The following SCMH1 variants were observed in gnomAD, a reference collection of about 807,000 sequenced individuals.
The protein encoded by SCMH1 is Scm polycomb group protein homolog 1.
SCMH1 carries 37 observed loss-of-function variants against 70.8 expected under a neutral mutation model. The ratio of observed to expected loss-of-function variants is 0.52; its 90% confidence interval spans 0.40 to 0.69. The LOEUF (loss-of-function observed/expected upper bound fraction) is 0.69. Ranked by LOEUF, SCMH1 falls within the 30% of genes least tolerant of loss-of-function variation. The pLI is 0.00. For missense variants in SCMH1, 607 were observed against 827.3 expected (o/e 0.73, Z 3.27); for synonymous variants, 292 against 307.4 (o/e 0.95, Z 0.52).
intron 2 of SCMH1, among the ~76,000 whole-genome samples, chr1:41,177,633 G>A (rs1647349181): frequency 6.6e-6 from 1 of 152,274 alleles, no homozygotes; most frequent in Middle Eastern, 3.4e-3. Flanking sequence ...GGAAGAAAGG[G>A]TACCAGTGAT....
At chr1:41,235,569 TAAAAAAAAAAAAA>T (rs61093555) in intron 1 of SCMH1, among the ~76,000 whole-genome samples, 2 of 43,086 alleles carry the variant, frequency 4.6e-5, no homozygotes, top group Non-Finnish European at 1.2e-4. Context: ...AGACTCCGTC[TAAAAAAAAAAAAA>T]AAAAAAAAAA....
intron 12 of SCMH1, among the ~76,000 whole-genome samples, chr1:41,044,162 G>A (rs12729448): frequency 0.11 from 16,485 of 152,068 alleles, 1,274 homozygotes; most frequent in East Asian, 0.28. Flanking sequence ...ATGGTCAGTT[G>A]GGCCAGGACT....
At chr1:41,176,664 G>A (rs1647172697) in intron 2 of SCMH1, among the ~76,000 whole-genome samples, 1 of 152,232 alleles carries the variant, frequency 6.6e-6, no homozygotes. Flanking sequence ...TAGCACAGCA[G>A]TCTGAGATCA....
At position 41,093,538 on chromosome 1, in the gene SCMH1, ATCAAAATGTGAAAG is replaced by A. The variant is rs1370121475; in HGVS notation, c.746-18101_746-18088del. 1.2e-4 allele frequency among the ~76,000 whole-genome samples: 18 copies of A among 152,322 alleles called. No individual in the cohort carries two copies. In the South Asian group the frequency reaches 3.5e-3, roughly 30 times the overall value. ...AGTATAATAATAATAAAAAAAGTTA[ATCAAAATGTGAAAG>A]TTGAAATAATACTAATAAACTTTTC... On this transcript the variant is annotated intron_variant, in intron 8 of 14. Coordinates refer to ENST00000337495, the Ensembl canonical transcript of SCMH1.
At chr1:41,067,458 C>CAAAAAAAAAAAAAAAA (rs60607308) in intron 10 of SCMH1, among the ~76,000 whole-genome samples, 3 of 60,254 alleles carry the variant, frequency 5.0e-5, no homozygotes, top group Admixed American at 1.9e-4. Context: ...ACAACAACAA[C>CAAAAAAAAAAAAAAAA]AAAAAAAAAA....
chr1:41,029,364 T>C (rs1644199092), intron 13 of SCMH1, among the ~76,000 whole-genome samples: 1 of 152,108 alleles, frequency 6.6e-6, no homozygotes, highest in African/African-American at 2.4e-5. Flanking sequence ...AGGCATGCAG[T>C]AATTTTTGTA....
chr1:41,030,683 A>C (rs761347278), intron 13 of SCMH1, among the ~76,000 whole-genome samples: 1 of 152,134 alleles, frequency 6.6e-6, no homozygotes, highest in Non-Finnish European at 1.5e-5. Context: ...CACACAGTAC[A>C]TATCGTTACC....
At chr1:41,120,716 T>G (rs1037961294) in intron 6 of SCMH1, among the ~76,000 whole-genome samples, 3 of 152,162 alleles carry the variant, frequency 2.0e-5, no homozygotes, top group African/African-American at 7.2e-5. Context: ...GAAAGGGACC[T>G]CAGAGGCCAT....
At chr1:41,227,691 G>A (rs1179242821) in intron 1 of SCMH1, among the ~76,000 whole-genome samples, 1 of 152,166 alleles carries the variant, frequency 6.6e-6, no homozygotes, top group African/African-American at 2.4e-5. Context: ...GGTAAAGAAA[G>A]GCAGATTTGG....
At chr1:41,197,557 T>A (rs111269359) in intron 1 of SCMH1, among the ~76,000 whole-genome samples, 12 of 152,254 alleles carry the variant, frequency 7.9e-5, no homozygotes, top group Admixed American at 2.0e-4. Flanking sequence ...GAGAGTTATA[T>A]TTAATGCGTA....
chr1:41,028,271 T>C (rs1015795641), exon 15 of SCMH1: 1 of 1,612,998 alleles, frequency 6.2e-7, no homozygotes, highest in African/African-American at 1.3e-5. Flanking sequence ...CCCATGTACT[T>C]CATCATCATG....
chr1:41,066,504 C>G (rs1000762596), intron 10 of SCMH1, among the ~76,000 whole-genome samples: 2 of 152,046 alleles, frequency 1.3e-5, no homozygotes, highest in African/African-American at 4.8e-5. Flanking sequence ...GTATGATTGT[C>G]TATATACTCT....
At position 41,172,574 on chromosome 1, in the gene SCMH1, GA is replaced by G. The variant is rs367965143; in HGVS notation, c.14-11143del. Among the ~76,000 whole-genome samples, 4 of 150,120 alleles carry G rather than the reference GA, an allele frequency of 2.7e-5. No individual in the cohort carries two copies. The South Asian group carries it at 6.3e-4, about 24-fold the overall frequency. On this transcript the variant is annotated intron_variant, in intron 2 of 14. Transcript: ENST00000337495. ...ACCAATGACATTCTTCACAAAAATA[GA>G]AAAAAAAACCCTAAAATTTGTACGG... is the stretch of plus-strand genomic sequence containing the variant.
At chr1:41,035,128 A>T (rs1645108010) in intron 13 of SCMH1, among the ~76,000 whole-genome samples, 1 of 152,118 alleles carries the variant, frequency 6.6e-6, no homozygotes. Context: ...GTCCACTGTA[A>T]CCATTATATC....
chr1:41,040,305 G>C (rs1645954854), intron 12 of SCMH1, among the ~76,000 whole-genome samples: 1 of 152,296 alleles, frequency 6.6e-6, no homozygotes, highest in Non-Finnish European at 1.5e-5. Context: ...GTGAGAAGCA[G>C]CTCTTCTCAG....
chr1:41,176,900 G>A (rs1647189641), intron 2 of SCMH1, among the ~76,000 whole-genome samples: 1 of 152,170 alleles, frequency 6.6e-6, no homozygotes, highest in Admixed American at 6.5e-5. Flanking sequence ...GAAGAGAGTA[G>A]TGGTTCTCCC....
chr1:41,237,866 C>T (rs1450785189), intron 1 of SCMH1, among the ~76,000 whole-genome samples: 1 of 152,132 alleles, frequency 6.6e-6, no homozygotes, highest in Non-Finnish European at 1.5e-5. Context: ...TATTTTATAA[C>T]TTAGGTAAGC....
At chr1:41,177,813 C>A (rs903763197) in intron 2 of SCMH1, among the ~76,000 whole-genome samples, 2 of 152,226 alleles carry the variant, frequency 1.3e-5, no homozygotes, top group Non-Finnish European at 2.9e-5. Flanking sequence ...GGAAAACACT[C>A]TTCAGGATAT....
intron 10 of SCMH1, among the ~76,000 whole-genome samples, chr1:41,068,455 G>A (rs2148861704): frequency 1.3e-5 from 2 of 152,222 alleles, no homozygotes; most frequent in African/African-American, 4.8e-5. Flanking sequence ...ACCTAGGCTG[G>A]AGTGCACTGG....
Sources: gnomAD v4.1 joint callset for allele counts (sites outside exome capture counted in the v4.1 genomes callset) on GRCh38, gnomAD v4.1.1 for gene constraint, MANE v1.5 for transcripts, NCBI Gene and HGNC (gene_info 2026-07-23, HGNC 2026-07-21) for gene names.